The following CGNL1 variants were observed in gnomAD, a reference collection of about 807,000 sequenced individuals.
CGNL1 encodes cingulin-like protein 1.
CGNL1 carries 132 observed loss-of-function variants against 141.2 expected under a neutral mutation model. That is an observed-to-expected ratio of 0.93 (90% CI 0.81 to 1.08). The LOEUF is 1.08. Among genes scored for constraint, CGNL1 ranks in the 50% least tolerant of loss-of-function variants. CGNL1 has a pLI of 0.00. For missense variants in CGNL1, 1,870 were observed against 1,588.6 expected (o/e 1.18, Z -3.01); for synonymous variants, 690 against 622.1 (o/e 1.11, Z -1.63).
In CGNL1 at chr15:57,513,250, ATGGGTGTG is replaced by A. The variant is rs1185632318; in HGVS notation, c.2404-3527_2404-3520del. Among the ~76,000 whole-genome samples, 74 of 92,902 alleles carry A rather than the reference ATGGGTGTG, an allele frequency of 8.0e-4. 2 individuals are homozygous for A. In the South Asian group the frequency reaches 0.018, roughly 23 times the overall value. The allele number at this position is 92,902 out of a possible 152,430, so 60.9% of individuals were successfully genotyped here. On this transcript the variant is annotated intron_variant, in intron 8 of 18. Transcript: ENST00000281282. ...TCCAGACTTTCATATAAATGTCAATATGGGTGTGTGTGTGTGTGTGTGTGTGTGTGTGT... is the reference window on the plus strand; with the variant it reads ...TCCAGACTTTCATATAAATGTCAATATGTGTGTGTGTGTGTGTGTGTGTGT...
chr15:57,387,689 G>A (rs938830947), intron 1 of CGNL1, among the ~76,000 whole-genome samples: 3 of 152,160 alleles, frequency 2.0e-5, no homozygotes, highest in African/African-American at 4.8e-5. Context: ...ATGAGAAGTG[G>A]CCCTCAATTA....
intron 8 of CGNL1, among the ~76,000 whole-genome samples, chr15:57,472,155 A>G (rs2932195): frequency 0.86 from 131,191 of 151,956 alleles, 56,755 homozygotes; most frequent in East Asian, 0.92. Flanking sequence ...AGTTTCCTTG[A>G]GGAAAACGAT....
intron 14 of CGNL1, among the ~76,000 whole-genome samples, chr15:57,534,748 G>A (rs2032157371): frequency 6.6e-6 from 1 of 152,230 alleles, no homozygotes; most frequent in South Asian, 2.1e-4. Context: ...AAACAGGAAA[G>A]GGTGCTTGTT....
chr15:57,532,351 A>G (rs1325232935), intron 14 of CGNL1, among the ~76,000 whole-genome samples: 1 of 152,222 alleles, frequency 6.6e-6, no homozygotes. Flanking sequence ...CACTGGGGAC[A>G]CAGAAACTAG....
At chr15:57,417,607 C>CT (rs5812893) in intron 1 of CGNL1, among the ~76,000 whole-genome samples, 76,276 of 145,072 alleles carry the variant, frequency 0.53, 20,244 homozygotes, top group Non-Finnish European at 0.58. Flanking sequence ...TGAAATAGTG[C>CT]TTTTTTTTTT....
chr15:57,514,937 C>T (rs2030645736), intron 8 of CGNL1, among the ~76,000 whole-genome samples: 1 of 152,034 alleles, frequency 6.6e-6, no homozygotes, highest in African/African-American at 2.4e-5. Flanking sequence ...GTCTGAACTC[C>T]CAATTCTGTT....
chr15:57,514,444 C>A (rs542113120), intron 8 of CGNL1, among the ~76,000 whole-genome samples: 2 of 152,278 alleles, frequency 1.3e-5, no homozygotes, highest in African/African-American at 4.8e-5. Context: ...ACCCACCGCA[C>A]CTGGCCCCAT....
At chr15:57,514,450 C>A (rs1041536404) in intron 8 of CGNL1, among the ~76,000 whole-genome samples, 1 of 152,086 alleles carries the variant, frequency 6.6e-6, no homozygotes, top group Non-Finnish European at 1.5e-5. Context: ...CGCACCTGGC[C>A]CCATTTTTAA....
intron 9 of CGNL1, 52 bp downstream of exon 9, chr15:57,517,038 C>A: frequency 6.5e-7 from 1 of 1,536,790 alleles, no homozygotes; most frequent in Non-Finnish European, 8.9e-7. Context: ...CTCCTTCTTT[C>A]CTGTGTAAGT....
At position 57,452,269 on chromosome 15, in the gene CGNL1, G is replaced by C; in HGVS notation, c.2034G>C (p.Glu678Asp). ...LQQRLEESEG[E>D]LRKNLEELFQ... Reference sequence around the variant, plus strand: ...AACGACTGGAAGAAAGTGAAGGGGAGCTCCGGAAGAATCTGGAGGAGTAAG... The same window carrying C: ...AACGACTGGAAGAAAGTGAAGGGGACCTCCGGAAGAATCTGGAGGAGTAAG... Residue 678 changes from glutamate to aspartate, a missense_variant, in exon 6 of 19, where the codon GAG (glutamate) becomes GAC (aspartate). Glu to Asp is a conservative substitution (Grantham distance 45). Coordinates refer to ENST00000281282, the MANE Select transcript of CGNL1 (RefSeq NM_032866.5). 1.2e-6 allele frequency: 2 copies of C among 1,613,708 alleles called. No individual in the cohort carries two copies. The highest frequency in any genetic ancestry group is 1.7e-6 in the Non-Finnish European group (2 of 1,179,764).
chr15:57,484,302 A>G (rs1359061536), intron 8 of CGNL1, among the ~76,000 whole-genome samples: 4 of 152,200 alleles, frequency 2.6e-5, no homozygotes, highest in African/African-American at 7.2e-5. Context: ...GGCTATTCAA[A>G]TTATTATATT....
intron 8 of CGNL1, among the ~76,000 whole-genome samples, chr15:57,483,119 T>A (rs1209766399): frequency 6.6e-6 from 1 of 152,206 alleles, no homozygotes; most frequent in Non-Finnish European, 1.5e-5. Context: ...AATTACCTTG[T>A]CTGTATCTAT....
intron 1 of CGNL1, among the ~76,000 whole-genome samples, chr15:57,411,659 G>T (rs1269247365): frequency 1.3e-5 from 2 of 151,826 alleles, no homozygotes; most frequent in African/African-American, 4.8e-5. Flanking sequence ...TGGCCAGGCT[G>T]GTCTCCAACT....
At chr15:57,445,734 A>G (rs1230900174) in intron 4 of CGNL1, among the ~76,000 whole-genome samples, 1 of 152,214 alleles carries the variant, frequency 6.6e-6, no homozygotes, top group East Asian at 1.9e-4. Flanking sequence ...TGTGTGAGCC[A>G]AGATGCCGCC....
intron 8 of CGNL1, among the ~76,000 whole-genome samples, chr15:57,487,274 AC>A (rs2063797643): frequency 6.6e-6 from 1 of 152,156 alleles, no homozygotes; most frequent in South Asian, 2.1e-4. Context: ...GCAAAGAACA[AC>A]TTTTTCTTTC....
At position 57,461,670 on chromosome 15, in the gene CGNL1, C is replaced by T. The variant is rs768390331; in HGVS notation, c.2191-10C>T. 6.2e-7 allele frequency: 1 copy of T among 1,612,478 alleles called. No homozygotes were observed. Among genetic ancestry groups the T allele is most frequent in the Non-Finnish European group, 8.5e-7 (1 of 1,178,648 alleles). On this transcript the variant is annotated splice_polypyrimidine_tract_variant and intron_variant, in intron 7 of 18. Coordinates refer to ENST00000281282, the MANE Select transcript of CGNL1 (RefSeq NM_032866.5). The stretch of plus-strand genomic sequence containing the variant: ...TTGTCACCTTCTCCCTTCGTGTTTC[C>T]TCTCTCTAGGAGCTCTTACAGGCAA...
intron 8 of CGNL1, among the ~76,000 whole-genome samples, chr15:57,500,028 G>C (rs1311133271): frequency 6.6e-6 from 1 of 152,164 alleles, no homozygotes; most frequent in African/African-American, 2.4e-5. Flanking sequence ...CTGGTAAATG[G>C]GTTGGGTGGT....
chr15:57,538,419 T>C (rs2032379939), intron 14 of CGNL1, among the ~76,000 whole-genome samples: 1 of 152,222 alleles, frequency 6.6e-6, no homozygotes, highest in African/African-American at 2.4e-5. Context: ...TACATTTCCA[T>C]TTTAATAGCC....
chr15:57,406,406 G>C (rs545209804), intron 1 of CGNL1, among the ~76,000 whole-genome samples: 63 of 152,302 alleles, frequency 4.1e-4, no homozygotes, highest in African/African-American at 1.5e-3. Context: ...AAGGAGGGCA[G>C]AGCATTCTGA....
Sources: gnomAD v4.1 joint callset for allele counts (sites outside exome capture counted in the v4.1 genomes callset) on GRCh38, gnomAD v4.1.1 for gene constraint, MANE v1.5 for transcripts, NCBI Gene and HGNC (gene_info 2026-07-23, HGNC 2026-07-21) for gene names.